The following VWA8 variants were observed in gnomAD, a reference collection of about 807,000 sequenced individuals.
VWA8 encodes the protein von Willebrand factor A domain-containing protein 8.
In VWA8, 221 loss-of-function variants were observed where a neutral mutation model predicts 241.5. The ratio of observed to expected loss-of-function variants is 0.91; its 90% confidence interval spans 0.82 to 1.02. The LOEUF is 1.02. Ranked by LOEUF, VWA8 falls within the 50% of genes least tolerant of loss-of-function variation. The pLI, the probability that VWA8 is intolerant of heterozygous loss-of-function variation, is 0.00. For synonymous variants in VWA8, 852 were observed against 827.1 expected (o/e 1.03, Z -0.52); for missense variants, 2,322 against 2,328.7 (o/e 1.00, Z 0.06).
chr13:41,892,998 T>G (rs549829229), intron 4 of VWA8, among the ~76,000 whole-genome samples: 1 of 152,328 alleles, frequency 6.6e-6, no homozygotes, highest in Admixed American at 6.5e-5. Flanking sequence ...GGTTATCTCC[T>G]TCTACACATG....
intron 2 of VWA8, among the ~76,000 whole-genome samples, chr13:41,947,158 C>A (rs1194792185): frequency 6.6e-6 from 1 of 152,232 alleles, no homozygotes; most frequent in Non-Finnish European, 1.5e-5. Context: ...CAGTCTTTCT[C>A]CCCCACTGCA....
At chr13:41,577,953 A>T (rs934380474) in intron 42 of VWA8, among the ~76,000 whole-genome samples, 3 of 152,236 alleles carry the variant, frequency 2.0e-5, no homozygotes, top group African/African-American at 7.2e-5. Context: ...GCTGGTCTTT[A>T]GTAAAACAAG....
In VWA8 at chr13:41,949,919, TAATA is replaced by T; in HGVS notation, c.241+13_241+16del. 6.9e-7 allele frequency: 1 copy of T among 1,443,392 alleles called. No individual in the cohort carries two copies. Among genetic ancestry groups the T allele is most frequent in the Middle Eastern group, 2.4e-4 (1 of 4,114 alleles). The allele number at this position is 1,443,392 out of a possible 1,614,324, so 89.4% of individuals were successfully genotyped here. ...AGTTAAAAGTTATTCATTCATATAT[TAATA>T]AATATTTCTTACTGTAGTTCTGTGG... On this transcript the variant is annotated intron_variant, in intron 2 of 44. Coordinates refer to ENST00000379310, the MANE Select transcript of VWA8 (RefSeq NM_015058.2).
intron 37 of VWA8, among the ~76,000 whole-genome samples, chr13:41,625,999 G>T (rs991757990): frequency 6.8e-6 from 1 of 146,896 alleles, no homozygotes; most frequent in African/African-American, 2.5e-5. Flanking sequence ...ACCAAACACC[G>T]CATGTTCTCA....
At chr13:41,944,782 C>T (rs1375050156) in intron 2 of VWA8, among the ~76,000 whole-genome samples, 4 of 152,162 alleles carry the variant, frequency 2.6e-5, no homozygotes, top group Non-Finnish European at 5.9e-5. Flanking sequence ...ATTTGATGTA[C>T]TCAGAGCTAC....
chr13:41,685,461 GC>G (rs1384198485), intron 34 of VWA8, among the ~76,000 whole-genome samples: 5 of 152,090 alleles, frequency 3.3e-5, no homozygotes, highest in Non-Finnish European at 7.4e-5. Flanking sequence ...TTTGAGACTG[GC>G]CTGGGCAACA....
intron 17 of VWA8, among the ~76,000 whole-genome samples, chr13:41,803,115 T>C (rs1870030169): frequency 6.6e-6 from 1 of 152,202 alleles, no homozygotes. Flanking sequence ...CATGGAGTGT[T>C]CCCTAATGCA....
At chr13:41,659,892 A>G (rs1409928284) in intron 37 of VWA8, among the ~76,000 whole-genome samples, 1 of 152,248 alleles carries the variant, frequency 6.6e-6, no homozygotes, top group Non-Finnish European at 1.5e-5. Context: ...TTAAGCAAGC[A>G]TATGAAATGA....
chr13:41,573,482 A>T (rs890932762), intron 43 of VWA8, among the ~76,000 whole-genome samples: 141 of 114,614 alleles, frequency 1.2e-3, no homozygotes, highest in African/African-American at 3.4e-3. Context: ...TTTAAAAAAA[A>T]AAAAATATAT....
chr13:41,732,518 A>G (rs1234082480), intron 21 of VWA8, among the ~76,000 whole-genome samples: 2 of 150,620 alleles, frequency 1.3e-5, no homozygotes, highest in African/African-American at 2.4e-5. Flanking sequence ...TATAATATTT[A>G]TGTTGTTTAA....
rs747522026 is a variant in VWA8 at position 41,690,234 on chromosome 13, C to G, written c.3908G>C (p.Gly1303Ala). The change falls in exon 33 of 45, where the codon GGT becomes GCT. Residue 1303 changes from glycine to alanine, a missense_variant. Gly to Ala is a moderately conservative substitution (Grantham distance 60, BLOSUM62 0). Transcript: ENST00000379310. Reference sequence around the variant, plus strand: ...CACATACAACTGGCAAACCCCACTACCCTCAGATTCGATGTGTGCAGGCTT... The same window carrying G: ...CACATACAACTGGCAAACCCCACTAGCCTCAGATTCGATGTGTGCAGGCTT... ...LTKPAHIESEGSGVCQLYVLK... is the reference protein window; with the variant it reads ...LTKPAHIESEASGVCQLYVLK... 3.1e-6 allele frequency: 5 copies of G among 1,612,722 alleles called. No homozygotes were observed.
chr13:41,719,523 G>C (rs1172410382), intron 26 of VWA8, 68 bp downstream of exon 26: 9 of 1,603,326 alleles, frequency 5.6e-6, no homozygotes, highest in Non-Finnish European at 7.7e-6. Context: ...ACTCAGTTTT[G>C]TAGAATGGAA....
intron 2 of VWA8, among the ~76,000 whole-genome samples, chr13:41,920,096 T>C (rs1384116066): frequency 6.6e-6 from 1 of 152,122 alleles, no homozygotes; most frequent in Non-Finnish European, 1.5e-5. Context: ...TCTGGGTTCT[T>C]GACAGTGCTG....
chr13:41,752,311 C>A (rs2045662245), intron 21 of VWA8, among the ~76,000 whole-genome samples: 1 of 152,130 alleles, frequency 6.6e-6, no homozygotes, highest in Non-Finnish European at 1.5e-5. Flanking sequence ...TCACCTTCTA[C>A]CATATCACAG....
Position 41,721,298 on chromosome 13 carries a change from T to C in VWA8, c.2964+72A>G, listed in dbSNP as rs1473035159. On this transcript the variant is annotated intron_variant, in intron 25 of 44. Transcript: ENST00000379310. ...TATTTATGGAAATTAAAAACTCTGG[T>C]ACAAACTGTACAGTCTGAAAAAATA... The C allele has an allele frequency of 2.4e-5, 36 of 1,493,512 alleles. No individual in the cohort carries two copies. The South Asian group carries it at 4.0e-4, about 17-fold the overall frequency. 92.5% of individuals were successfully genotyped at this position (1,493,512 alleles called of 1,614,324 possible).
rs558942929 is a variant in VWA8, at chr13:41,822,541, T to A, written c.1701-3155A>T. 2.6e-5 allele frequency among the ~76,000 whole-genome samples: 4 copies of A among 152,318 alleles called. No individual in the cohort carries two copies. In the South Asian group the frequency reaches 8.3e-4, roughly 32 times the overall value. On this transcript the variant is annotated intron_variant, in intron 14 of 44. Transcript: ENST00000379310. Reference sequence around the variant, plus strand: ...TAAATAAGTAAGTGTATACGGCTATTGTTAATGACCATCATTGCTATTAAC... The same window carrying A: ...TAAATAAGTAAGTGTATACGGCTATAGTTAATGACCATCATTGCTATTAAC...
At chr13:41,599,048 T>C (rs1006517944) in intron 40 of VWA8, among the ~76,000 whole-genome samples, 1 of 152,156 alleles carries the variant, frequency 6.6e-6, no homozygotes, top group African/African-American at 2.4e-5. Context: ...CAGCATATGT[T>C]TACTAAGCAC....
At chr13:41,582,276 T>C (rs544005499) in intron 42 of VWA8, among the ~76,000 whole-genome samples, 1 of 152,258 alleles carries the variant, frequency 6.6e-6, no homozygotes, top group South Asian at 2.1e-4. Flanking sequence ...GAATAAAAAA[T>C]AGAGGCTGAC....
At chr13:41,620,158 G>A (rs1281039417) in intron 37 of VWA8, among the ~76,000 whole-genome samples, 3 of 152,058 alleles carry the variant, frequency 2.0e-5, no homozygotes, top group African/African-American at 7.2e-5. Flanking sequence ...CCTGTTATTG[G>A]TCTATTCAGG....
Sources: allele counts gnomAD v4.1 joint callset (sites outside exome capture counted in the v4.1 genomes callset), GRCh38; gene constraint gnomAD v4.1.1; transcripts MANE v1.5; gene names NCBI Gene and HGNC (gene_info 2026-07-23, HGNC 2026-07-21).